The following RFFL variants were observed in gnomAD, a reference collection of about 807,000 sequenced individuals.
RFFL encodes ring finger and FYVE like domain containing E3 ubiquitin protein ligase, also known as E3 ubiquitin-protein ligase rififylin.
In RFFL, 16 loss-of-function variants were observed where a neutral mutation model predicts 40.4. That is an observed-to-expected ratio of 0.40 (90% confidence interval 0.27 to 0.60). The LOEUF (loss-of-function observed/expected upper bound fraction) is 0.60. RFFL is among the 20% of genes least tolerant of loss of function. The pLI, the probability that RFFL is intolerant of heterozygous loss-of-function variation, is 0.47. For synonymous variants in RFFL, 154 were observed against 167.9 expected (o/e 0.92, Z 0.64); for missense variants, 367 against 451.7 (o/e 0.81, Z 1.70).
Position 35,011,780 on chromosome 17 carries a change from T to G in RFFL, c.*188A>C, listed in dbSNP as rs975647044. 3 of 599,442 alleles carry G rather than the reference T, an allele frequency of 5.0e-6. No individual in the cohort carries two copies. The African/African-American group carries it at 5.6e-5, about 11-fold the overall frequency. The allele number at this position is 599,442 out of a possible 1,614,324, so 37.1% of individuals were successfully genotyped here. A position where few individuals can be genotyped will look rare whatever the true frequency, so the allele number is the denominator to read the frequency against. On this transcript the variant is annotated 3_prime_UTR_variant, in exon 7 of 7. Transcript: ENST00000394597. Reference sequence around the variant, plus strand: ...ATACAAGTTCCCACTGGCCTTGGGCTTTGCCAGCCAAGAGGTACACCCCTG... The same window carrying G: ...ATACAAGTTCCCACTGGCCTTGGGCGTTGCCAGCCAAGAGGTACACCCCTG...
At chr17:35,064,651 T>C (rs2091311488), upstream of RFFL, among the ~76,000 whole-genome samples, 1 of 152,164 alleles carries the variant, frequency 6.6e-6, no homozygotes, top group African/African-American at 2.4e-5. Flanking sequence ...CTGCTTAAAA[T>C]GTATGACAGT....
intron 1 of RFFL, among the ~76,000 whole-genome samples, chr17:35,061,253 A>T (rs1481992133): frequency 6.6e-6 from 1 of 152,242 alleles, no homozygotes. Context: ...GATAGGAGCA[A>T]GGAAAGACTT....
At chr17:35,029,197 C>T (rs539411956) in intron 1 of RFFL, among the ~76,000 whole-genome samples, 1 of 152,006 alleles carries the variant, frequency 6.6e-6, no homozygotes, top group Non-Finnish European at 1.5e-5. Context: ...AGTAATCTGC[C>T]TTTACTTGCA....
intron 1 of RFFL, among the ~76,000 whole-genome samples, chr17:35,083,877 A>C (rs929487482): frequency 2.6e-5 from 4 of 151,288 alleles, no homozygotes; most frequent in Non-Finnish European, 5.9e-5. Flanking sequence ...TGCCCCCCCC[A>C]CCCTGAAAAA....
intron 1 of RFFL, among the ~76,000 whole-genome samples, chr17:35,040,353 G>A (rs1182794600): frequency 6.8e-6 from 1 of 146,868 alleles, no homozygotes; most frequent in African/African-American, 2.4e-5. Flanking sequence ...TGTAATCCCA[G>A]CACTTTGGGA....
At chr17:35,079,324 T>C (rs1211902313) in intron 1 of RFFL, among the ~76,000 whole-genome samples, 4 of 152,214 alleles carry the variant, frequency 2.6e-5, no homozygotes, top group South Asian at 2.1e-4. Flanking sequence ...GCCCAACCTG[T>C]TTGTGTTGTT....
At chr17:35,039,684 T>G (rs2091150217) in intron 1 of RFFL, among the ~76,000 whole-genome samples, 1 of 146,394 alleles carries the variant, frequency 6.8e-6, no homozygotes, top group East Asian at 2.0e-4. Context: ...TTGACTCCAC[T>G]TTTTTTTTTT....
chr17:35,042,161 C>T (rs565244377), intron 1 of RFFL: 1 of 152,306 alleles, frequency 6.6e-6, no homozygotes, highest in South Asian at 2.1e-4. Flanking sequence ...GGCCCTGACA[C>T]AGCTGATTTA....
chr17:35,077,466 G>A (rs2091382777), intron 1 of RFFL, among the ~76,000 whole-genome samples: 1 of 152,180 alleles, frequency 6.6e-6, no homozygotes, highest in African/African-American at 2.4e-5. Flanking sequence ...TGATTTTTCT[G>A]GTGATTCCCT....
intron 1 of RFFL, among the ~76,000 whole-genome samples, chr17:35,042,823 C>CAAAAAAAAAAAAAA (rs11296826): frequency 3.3e-5 from 2 of 60,442 alleles, no homozygotes; most frequent in Non-Finnish European, 7.3e-5. Context: ...GACTCCATCT[C>CAAAAAAAAAAAAAA]AAAAAAAAAA....
intron 1 of RFFL, among the ~76,000 whole-genome samples, chr17:35,043,183 A>T (rs2091177577): frequency 6.6e-6 from 1 of 152,196 alleles, no homozygotes; most frequent in East Asian, 1.9e-4. Flanking sequence ...GTTCCCAAGT[A>T]TGTTTTACTT....
At chr17:35,033,924 C>T (rs983373694) in intron 1 of RFFL, among the ~76,000 whole-genome samples, 3 of 151,710 alleles carry the variant, frequency 2.0e-5, no homozygotes, top group Non-Finnish European at 4.4e-5. Context: ...GGGCGGATCA[C>T]GAGGTCAGGA....
chr17:35,072,382 T>C (rs1456654077), intron 1 of RFFL, among the ~76,000 whole-genome samples: 2 of 152,130 alleles, frequency 1.3e-5, no homozygotes, highest in East Asian at 3.8e-4. Flanking sequence ...ACTGTTATGA[T>C]TCCATTTCCA....
intron 6 of RFFL, 86 bp from the exon 7 acceptor site, chr17:35,012,235 T>G: frequency 8.6e-7 from 1 of 1,167,426 alleles, no homozygotes; most frequent in Non-Finnish European, 1.2e-6. Flanking sequence ...GGGAGGGAGG[T>G]GGGAGATAAC....
At chr17:35,065,558 CAAAA>C (rs947708350), upstream of RFFL, among the ~76,000 whole-genome samples, 3 of 51,118 alleles carry the variant, frequency 5.9e-5, no homozygotes, top group African/African-American at 1.3e-4. Flanking sequence ...AACTTCGTCT[CAAAA>C]AAAAAAAAAA....
At chr17:35,039,325 T>A (rs1489653537) in intron 1 of RFFL, among the ~76,000 whole-genome samples, 2 of 152,122 alleles carry the variant, frequency 1.3e-5, no homozygotes, top group African/African-American at 2.4e-5. Flanking sequence ...GTTCAAGCGA[T>A]TCTCACGCCT....
upstream of RFFL, among the ~76,000 whole-genome samples, chr17:35,065,913 G>A (rs921498202): frequency 6.6e-6 from 1 of 152,062 alleles, no homozygotes; most frequent in African/African-American, 2.4e-5. Context: ...GAGAATATGA[G>A]GCTATGGGAG....
intron 3 of RFFL, among the ~76,000 whole-genome samples, chr17:35,020,853 A>G (rs2091004174): frequency 6.6e-6 from 1 of 152,182 alleles, no homozygotes; most frequent in Admixed American, 6.5e-5. Flanking sequence ...ATGCAAGTAC[A>G]GCGTGCCAAC....
chr17:35,081,926 C>T (rs913725853), intron 1 of RFFL, among the ~76,000 whole-genome samples: 1 of 151,812 alleles, frequency 6.6e-6, no homozygotes, highest in Non-Finnish European at 1.5e-5. Flanking sequence ...GATTCCCAAT[C>T]AATATGAAAG....
Sources: gnomAD v4.1 joint callset for allele counts (sites outside exome capture counted in the v4.1 genomes callset) on GRCh38, gnomAD v4.1.1 for gene constraint, MANE v1.5 for transcripts, NCBI Gene and HGNC (gene_info 2026-07-23, HGNC 2026-07-21) for gene names.